The following RAB38 variants were observed in gnomAD, a reference collection of about 807,000 sequenced individuals.
The protein encoded by RAB38 is ras-related protein Rab-38.
A neutral mutation model predicts 18.4 loss-of-function variants in RAB38; 15 were observed. That is an observed-to-expected ratio of 0.82 (90% CI 0.55 to 1.26). The LOEUF is 1.26. RAB38 is among the 50% of genes most tolerant of loss of function. The pLI, the probability that RAB38 is intolerant of heterozygous loss-of-function variation, is 0.00. For missense variants in RAB38, 294 were observed against 267.4 expected (o/e 1.10, Z -0.69); for synonymous variants, 101 against 104.4 (o/e 0.97, Z 0.20).
intron 2 of RAB38, among the ~76,000 whole-genome samples, chr11:88,119,088 T>C (rs1942596535): frequency 6.6e-6 from 1 of 152,194 alleles, no homozygotes; most frequent in Non-Finnish European, 1.5e-5. Flanking sequence ...GATCCTAGGA[T>C]ATTATTTAGA....
the RAB38 span, among the ~76,000 whole-genome samples, chr11:88,007,563 C>A: frequency 2.0e-5 from 3 of 152,008 alleles, no homozygotes; most frequent in African/African-American, 7.2e-5. Context: ...TTCACAATAA[C>A]TAGAAATGCT....
At chr11:88,030,904 A>C in the RAB38 span, among the ~76,000 whole-genome samples, 1 of 151,790 alleles carries the variant, frequency 6.6e-6, no homozygotes, top group East Asian at 1.9e-4. Context: ...CTGATACCAA[A>C]GCGGGGCAGA....
intron 1 of RAB38, among the ~76,000 whole-genome samples, chr11:88,156,147 T>C (rs970141457): frequency 1.3e-5 from 2 of 151,898 alleles, no homozygotes; most frequent in African/African-American, 4.8e-5. Context: ...GCTAGAGAGG[T>C]AGACATTTAG....
At chr11:87,814,024 G>C in the RAB38 span, among the ~76,000 whole-genome samples, 31 of 152,234 alleles carry the variant, frequency 2.0e-4, no homozygotes, top group East Asian at 5.2e-3. Flanking sequence ...ATCTTACTAA[G>C]AGTCAATAGA....
At chr11:88,125,696 C>T (rs1183560849) in intron 2 of RAB38, among the ~76,000 whole-genome samples, 1 of 152,200 alleles carries the variant, frequency 6.6e-6, no homozygotes, top group Non-Finnish European at 1.5e-5. Context: ...GTTTCTTTTG[C>T]TGTGCAGAAG....
the RAB38 span, among the ~76,000 whole-genome samples, chr11:87,893,390 A>ATATATATATATATATT: frequency 9.3e-3 from 871 of 93,872 alleles, 10 homozygotes; most frequent in Middle Eastern, 0.034. Flanking sequence ...ATATATATAT[A>ATATATATATATATATT]TTTTTTTTTT....
At chr11:87,924,150 T>G in the RAB38 span, among the ~76,000 whole-genome samples, 4 of 152,110 alleles carry the variant, frequency 2.6e-5, no homozygotes, top group African/African-American at 9.6e-5. Flanking sequence ...ATTTTCCTTA[T>G]GTGACTGATG....
At chr11:88,132,633 A>G (rs536070939) in intron 2 of RAB38, among the ~76,000 whole-genome samples, 2 of 152,058 alleles carry the variant, frequency 1.3e-5, no homozygotes, top group East Asian at 3.9e-4. Flanking sequence ...AATTTTTTGT[A>G]TTTTTAGTAG....
the RAB38 span, among the ~76,000 whole-genome samples, chr11:88,052,909 TATA>T: frequency 1.7e-4 from 3 of 17,362 alleles, no homozygotes; most frequent in African/African-American, 9.2e-4. Flanking sequence ...TTCATATATA[TATA>T]TATATATATA....
chr11:87,860,788 TTTTTTA>T, the RAB38 span, among the ~76,000 whole-genome samples: 1 of 152,102 alleles, frequency 6.6e-6, no homozygotes, highest in Non-Finnish European at 1.5e-5. Flanking sequence ...AAGCTAATTT[TTTTTTA>T]TTTTTATTTT....
intron 2 of RAB38, among the ~76,000 whole-genome samples, chr11:88,126,933 T>G (rs1188724748): frequency 1.3e-5 from 2 of 152,148 alleles, no homozygotes; most frequent in Non-Finnish European, 2.9e-5. Flanking sequence ...ATAAAGCACT[T>G]GGAAAACAAT....
the RAB38 span, among the ~76,000 whole-genome samples, chr11:87,873,949 T>TATATATATATATATAC: frequency 9.6e-4 from 132 of 138,068 alleles, no homozygotes; most frequent in Admixed American, 5.2e-3. Context: ...TATATATATA[T>TATATATATATATATAC]ACTCTGCATA....
At chr11:88,147,068 C>T (rs1403083410) in intron 2 of RAB38, among the ~76,000 whole-genome samples, 1 of 152,208 alleles carries the variant, frequency 6.6e-6, no homozygotes, top group Non-Finnish European at 1.5e-5. Context: ...TTCAGAAGGT[C>T]TTTTGACCCA....
At chr11:87,977,944 A>T in the RAB38 span, among the ~76,000 whole-genome samples, 2 of 113,560 alleles carry the variant, frequency 1.8e-5, no homozygotes, top group African/African-American at 3.5e-5. Flanking sequence ...TATATAATAT[A>T]TTAATATAAT....
the RAB38 span, among the ~76,000 whole-genome samples, chr11:87,908,910 T>G: frequency 0.96 from 145,485 of 151,956 alleles, 69,670 homozygotes; most frequent in East Asian, 1. Flanking sequence ...AAATTTTTCC[T>G]CATATTGATT....
intron 1 of RAB38, among the ~76,000 whole-genome samples, chr11:88,164,041 A>G (rs1943218221): frequency 6.6e-6 from 1 of 152,066 alleles, no homozygotes; most frequent in South Asian, 2.1e-4. Flanking sequence ...AATCAAATAA[A>G]CAACCTAAAA....
the RAB38 span, among the ~76,000 whole-genome samples, chr11:87,893,302 G>GTGTATA: frequency 7.2e-6 from 1 of 138,460 alleles, no homozygotes; most frequent in South Asian, 2.3e-4. Flanking sequence ...GTGTGTGTGT[G>GTGTATA]TATATATATA....
the RAB38 span, among the ~76,000 whole-genome samples, chr11:88,022,611 C>CCAAAAAAAAA: frequency 1.9e-5 from 1 of 52,102 alleles, no homozygotes; most frequent in African/African-American, 7.6e-5. Flanking sequence ...AAAGACCCCA[C>CCAAAAAAAAA]AAAAAAAAAA....
the RAB38 span, among the ~76,000 whole-genome samples, chr11:87,977,582 T>C: frequency 1.7e-5 from 2 of 118,504 alleles, no homozygotes; most frequent in Non-Finnish European, 3.2e-5. Context: ...TGTAACATAA[T>C]TTTATAATAA....
Sources: gnomAD v4.1 joint callset for allele counts (sites outside exome capture counted in the v4.1 genomes callset) on GRCh38, gnomAD v4.1.1 for gene constraint, MANE v1.5 for transcripts, NCBI Gene and HGNC (gene_info 2026-07-23, HGNC 2026-07-21) for gene names.